The following CHSY3 variants were observed in gnomAD, a reference collection of about 807,000 sequenced individuals.
CHSY3 encodes chondroitin sulfate synthase 3.
A neutral mutation model predicts 67.2 loss-of-function variants in CHSY3; 35 were observed. The ratio of observed to expected loss-of-function variants is 0.52; its 90% CI spans 0.40 to 0.69. The LOEUF (loss-of-function observed/expected upper bound fraction) is 0.69. Among genes scored for constraint, CHSY3 ranks in the 30% least tolerant of loss-of-function variants. CHSY3 has a pLI of 0.00. For missense variants in CHSY3, 1,069 were observed against 1,138.5 expected (o/e 0.94, Z 0.88); for synonymous variants, 474 against 434.7 (o/e 1.09, Z -1.12).
intron 2 of CHSY3, among the ~76,000 whole-genome samples, chr5:130,168,309 T>G (rs1769806267): frequency 6.6e-6 from 1 of 152,288 alleles, no homozygotes; most frequent in East Asian, 1.9e-4. Context: ...AGAATCAGTT[T>G]AGACTCCTAC....
chr5:129,938,077 T>C (rs1210005117), intron 2 of CHSY3, among the ~76,000 whole-genome samples: 1 of 152,210 alleles, frequency 6.6e-6, no homozygotes, highest in East Asian at 1.9e-4. Flanking sequence ...AAGCCTCAAC[T>C]CTTGCCCTCT....
intron 2 of CHSY3, among the ~76,000 whole-genome samples, chr5:130,071,144 ACTCT>A (rs141960607): frequency 6.6e-6 from 1 of 151,958 alleles, no homozygotes; most frequent in African/African-American, 2.4e-5. Context: ...GGAACCCAAC[ACTCT>A]CTCTATAATA....
At chr5:129,991,063 A>T (rs186174910) in intron 2 of CHSY3, among the ~76,000 whole-genome samples, 1 of 152,160 alleles carries the variant, frequency 6.6e-6, no homozygotes, top group East Asian at 1.9e-4. Context: ...CAGAAAGTAG[A>T]TCATTAGAAC....
intron 2 of CHSY3, among the ~76,000 whole-genome samples, chr5:130,026,040 A>T (rs1050096553): frequency 1.3e-5 from 2 of 152,142 alleles, no homozygotes; most frequent in African/African-American, 4.8e-5. Context: ...GGACCAGTAC[A>T]ATGAAGATGA....
intron 2 of CHSY3, among the ~76,000 whole-genome samples, chr5:129,996,999 G>T (rs1482221798): frequency 6.6e-6 from 1 of 151,524 alleles, no homozygotes; most frequent in Non-Finnish European, 1.5e-5. Flanking sequence ...CCAGTGTTTT[G>T]TTCATAACTA....
chr5:130,018,022 G>A (rs1409753042), intron 2 of CHSY3, among the ~76,000 whole-genome samples: 1 of 152,156 alleles, frequency 6.6e-6, no homozygotes, highest in East Asian at 1.9e-4. Context: ...ATCTGATGTG[G>A]ATCTTGCTAC....
chr5:129,987,299 A>G lies in CHSY3; in HGVS notation c.1086+78939A>G, dbSNP rs185613674. On this transcript the variant is annotated intron_variant, in intron 2 of 2. Transcript: ENST00000305031. ...TATTGGTAGAACTATTTGGAAAATT[A>G]GAGAGGACACACTATATAAAAGTAA... is the stretch of plus-strand genomic sequence containing the variant. Among the ~76,000 whole-genome samples, 3 of 152,306 alleles carry G rather than the reference A, an allele frequency of 2.0e-5. No homozygotes were observed. In the East Asian group the frequency reaches 5.8e-4, roughly 29 times the overall value.
At chr5:130,172,836 A>G (rs1769933024) in intron 2 of CHSY3, among the ~76,000 whole-genome samples, 1 of 152,184 alleles carries the variant, frequency 6.6e-6, no homozygotes, top group South Asian at 2.1e-4. Context: ...ATTTCTTATA[A>G]GTGGAATCAT....
At chr5:129,910,971 A>G (rs1760520754) in intron 2 of CHSY3, among the ~76,000 whole-genome samples, 1 of 140,602 alleles carries the variant, frequency 7.1e-6, no homozygotes, top group Admixed American at 7.4e-5. Context: ...CCTTTCACAA[A>G]TTTTAGGATT....
intron 2 of CHSY3, among the ~76,000 whole-genome samples, chr5:130,011,850 A>G (rs1455826427): frequency 1.3e-5 from 2 of 152,210 alleles, no homozygotes; most frequent in African/African-American, 2.4e-5. Flanking sequence ...CAAGAAGACA[A>G]TCCCATTCAC....
chr5:130,070,576 T>C (rs1022394457), intron 2 of CHSY3, among the ~76,000 whole-genome samples: 3 of 152,102 alleles, frequency 2.0e-5, no homozygotes, highest in African/African-American at 4.8e-5. Flanking sequence ...TAATGCAGTA[T>C]TGAAATATTG....
rs1434466761 is a variant in CHSY3 at position 130,029,759 on chromosome 5, A to G, written c.1086+121399A>G. On this transcript the variant is annotated intron_variant, in intron 2 of 2. Transcript: ENST00000305031. ...TTCAGTAACATAATCTCTTGGTAAC[A>G]TAGCCATTAGAGAGAAAATCAGCAT... Among the ~76,000 whole-genome samples, 3 of 152,222 alleles carry G rather than the reference A, an allele frequency of 2.0e-5. No homozygotes were observed. In the East Asian group the frequency reaches 5.8e-4, roughly 29 times the overall value.
intron 2 of CHSY3, among the ~76,000 whole-genome samples, chr5:129,950,675 G>T (rs920024558): frequency 6.6e-6 from 1 of 152,112 alleles, no homozygotes; most frequent in African/African-American, 2.4e-5. Context: ...ATTTATGATA[G>T]TATGAGAAAA....
intron 2 of CHSY3, among the ~76,000 whole-genome samples, chr5:129,994,104 C>T (rs993036565): frequency 6.6e-6 from 1 of 152,136 alleles, no homozygotes; most frequent in Non-Finnish European, 1.5e-5. Context: ...TGGACTTCCC[C>T]TTGTGGGTAA....
At chr5:130,114,033 T>C (rs1421374861) in intron 2 of CHSY3, among the ~76,000 whole-genome samples, 1 of 152,200 alleles carries the variant, frequency 6.6e-6, no homozygotes, top group African/African-American at 2.4e-5. Flanking sequence ...TCATATTTTT[T>C]CTTCATTGTT....
rs539861510 is a variant in CHSY3 at position 130,056,589 on chromosome 5, A to G, written c.1087-127640A>G. 2.6e-5 allele frequency among the ~76,000 whole-genome samples: 4 copies of G among 152,362 alleles called. No homozygotes were observed. The East Asian group carries it at 5.8e-4, about 22-fold the overall frequency. On this transcript the variant is annotated intron_variant, in intron 2 of 2. Transcript: ENST00000305031. The stretch of plus-strand genomic sequence containing the variant: ...TGTTTTACAGCTTGTTTTCATTTCA[A>G]TAAAAAAGACACTACTAAGTCTGCA...
At chr5:130,182,701 A>G (rs773388285) in intron 2 of CHSY3, among the ~76,000 whole-genome samples, 1 of 152,024 alleles carries the variant, frequency 6.6e-6, no homozygotes, top group Non-Finnish European at 1.5e-5. Context: ...TTTTTCCCTT[A>G]TATGAATATC....
chr5:130,076,246 T>C (rs1044880301), intron 2 of CHSY3, among the ~76,000 whole-genome samples: 9 of 151,994 alleles, frequency 5.9e-5, no homozygotes, highest in Non-Finnish European at 7.4e-5. Flanking sequence ...CTGTCCTCTT[T>C]CTTATTGCAT....
At chr5:130,114,370 A>C (rs1767707776) in intron 2 of CHSY3, 1 of 152,156 alleles carries the variant, frequency 6.6e-6, no homozygotes, top group Non-Finnish European at 1.5e-5. Flanking sequence ...GAAAACTCTA[A>C]AGCCCCTAAG....
Sources: allele counts gnomAD v4.1 joint callset (sites outside exome capture counted in the v4.1 genomes callset), GRCh38; gene constraint gnomAD v4.1.1; transcripts MANE v1.5; gene names NCBI Gene and HGNC (gene_info 2026-07-23, HGNC 2026-07-21).